Variants in GNG2 observed in about 807,000 individuals in gnomAD.
GNG2 encodes the protein guanine nucleotide-binding protein G(I)/G(S)/G(O) subunit gamma-2.
Under a neutral mutation model 5.5 loss-of-function variants are expected in GNG2, and 5 were observed. The observed-to-expected ratio is 0.91, with a 90% confidence interval of 0.48 to 1.92. The LOEUF (loss-of-function observed/expected upper bound fraction) is 1.92, where lower values mean the gene tolerates loss of function less well. Among genes scored for constraint, GNG2 ranks in the 30% most tolerant of loss-of-function variants. The pLI, the probability that GNG2 is intolerant of heterozygous loss-of-function variation, is 0.01. For missense variants in GNG2, 55 were observed against 88.4 expected, an observed-to-expected ratio of 0.62 and a Z score of 1.52; for synonymous variants, 28 against 32.0, an observed-to-expected ratio of 0.88 and a Z score of 0.42.
At chr14:51,890,236 A>C (rs1341993078) in intron 2 of GNG2, among the ~76,000 whole-genome samples, 2 of 152,208 alleles carry the variant, frequency 1.3e-5, no homozygotes, top group African/African-American at 2.4e-5. Context: ...AATCAGGACC[A>C]ACATTGTAAT....
At chr14:51,938,694 G>C (rs1230396260) in intron 2 of GNG2, among the ~76,000 whole-genome samples, 2 of 152,180 alleles carry the variant, frequency 1.3e-5, no homozygotes, top group Non-Finnish European at 2.9e-5. Flanking sequence ...ATGGCAAACA[G>C]TGAATTTCAC....
intron 2 of GNG2, among the ~76,000 whole-genome samples, chr14:51,849,207 A>C (rs1881793800): frequency 6.6e-6 from 1 of 151,966 alleles, no homozygotes; most frequent in Non-Finnish European, 1.5e-5. Context: ...TTGACAGGAG[A>C]CCTAAGATCC....
intron 3 of GNG2, 39 bp from the exon 4 acceptor site, chr14:51,966,520 C>T: frequency 1.3e-6 from 2 of 1,598,136 alleles, no homozygotes; most frequent in Non-Finnish European, 1.7e-6. Context: ...ACTGACTGTA[C>T]CAGACTCCAG....
intron 2 of GNG2, among the ~76,000 whole-genome samples, chr14:51,885,841 T>A (rs1025207576): frequency 6.6e-6 from 1 of 152,202 alleles, no homozygotes; most frequent in South Asian, 2.1e-4. Context: ...TGGGCTCAGA[T>A]AGGATCAAGA....
intron 3 of GNG2, among the ~76,000 whole-genome samples, chr14:51,958,715 G>A (rs1889424249): frequency 6.6e-6 from 1 of 152,012 alleles, no homozygotes; most frequent in Admixed American, 6.6e-5. Flanking sequence ...CTCCTTACCA[G>A]GTTGGACCCT....
intron 2 of GNG2, among the ~76,000 whole-genome samples, chr14:51,854,858 C>T (rs898142758): frequency 3.3e-5 from 5 of 152,140 alleles, no homozygotes; most frequent in Non-Finnish European, 5.9e-5. Flanking sequence ...CTATGCCTCC[C>T]TCCCGTCTTT....
chr14:51,940,378 G>A (rs116450945), intron 2 of GNG2: 1,595 of 152,412 alleles, frequency 0.01, 35 homozygotes, highest in African/African-American at 0.037. Context: ...GCAAACTTGG[G>A]GGGGCTCAAG....
At chr14:51,914,176 A>C (rs1263284319) in intron 2 of GNG2, 1 of 701,590 alleles carries the variant, frequency 1.4e-6, no homozygotes, top group East Asian at 2.7e-5. Flanking sequence ...GCTCTTGAGT[A>C]TGTCTGCCAC....
chr14:51,866,239 G>A (rs890356905), intron 1 of GNG2, among the ~76,000 whole-genome samples: 1 of 152,208 alleles, frequency 6.6e-6, no homozygotes, highest in Non-Finnish European at 1.5e-5. Flanking sequence ...GAGGAGAGGG[G>A]CTGAAAACTG....
intron 2 of GNG2, among the ~76,000 whole-genome samples, chr14:51,901,808 T>C (rs1389446654): frequency 6.6e-6 from 1 of 152,040 alleles, no homozygotes; most frequent in Non-Finnish European, 1.5e-5. Flanking sequence ...AGCATCCAGG[T>C]ATATAATAAC....
At chr14:51,833,981 G>GT (rs1881267443) in intron 2 of GNG2, among the ~76,000 whole-genome samples, 1 of 152,078 alleles carries the variant, frequency 6.6e-6, no homozygotes, top group Non-Finnish European at 1.5e-5. Flanking sequence ...GCATCAGACT[G>GT]CCTTGAGACA....
rs551926332 is a variant in GNG2 at position 51,921,038 on chromosome 14, A to T, written c.-29-29612A>T. Among the ~76,000 whole-genome samples the T allele has an allele frequency of 2.0e-5, 3 of 152,352 alleles. No homozygotes were observed. The East Asian group carries it at 5.8e-4, about 29-fold the overall frequency. ...CATTGAATCTCATTCTTTCTCCTAT[A>T]AAATTAGAGAATTAAGATGAGGTCA... On this transcript the variant is annotated intron_variant, in intron 2 of 3. Coordinates refer to ENST00000556766, the MANE Select transcript of GNG2 (RefSeq NM_053064.5).
At chr14:51,839,918 G>A (rs1424890002) in intron 2 of GNG2, among the ~76,000 whole-genome samples, 1 of 152,164 alleles carries the variant, frequency 6.6e-6, no homozygotes, top group East Asian at 1.9e-4. Flanking sequence ...TACAACTCTA[G>A]GGGTAGATCT....
At chr14:51,867,834 T>A (rs34867128) in intron 1 of GNG2, among the ~76,000 whole-genome samples, 15,367 of 152,230 alleles carry the variant, frequency 0.1, 1,387 homozygotes, top group African/African-American at 0.24. Flanking sequence ...AATGCTCCTC[T>A]GAAATCTTTT....
intron 2 of GNG2, among the ~76,000 whole-genome samples, chr14:51,897,449 A>G (rs2078590194): frequency 6.6e-6 from 1 of 152,216 alleles, no homozygotes; most frequent in Admixed American, 6.5e-5. Flanking sequence ...CCTGTGACGT[A>G]AAAAGGATAA....
chr14:51,947,765 A>T (rs1211833858), intron 2 of GNG2, among the ~76,000 whole-genome samples: 1 of 152,236 alleles, frequency 6.6e-6, no homozygotes, highest in Non-Finnish European at 1.5e-5. Flanking sequence ...AGCCACTCAC[A>T]GCTTTTCCCA....
intron 2 of GNG2, among the ~76,000 whole-genome samples, chr14:51,883,160 G>C (rs1884217484): frequency 6.6e-6 from 1 of 152,130 alleles, no homozygotes; most frequent in Non-Finnish European, 1.5e-5. Flanking sequence ...TTACCTGACG[G>C]GGATTTGTTT....
At chr14:51,850,114 G>A (rs1881837819) in intron 2 of GNG2, among the ~76,000 whole-genome samples, 1 of 152,190 alleles carries the variant, frequency 6.6e-6, no homozygotes, top group Non-Finnish European at 1.5e-5. Flanking sequence ...GTTTCTGGGA[G>A]TTTTGAAAGC....
Position 51,926,681 on chromosome 14 carries a change from C to A in GNG2, c.-29-23969C>A, listed in dbSNP as rs1248178168. 5.3e-5 allele frequency among the ~76,000 whole-genome samples: 8 copies of A among 152,152 alleles called. No homozygotes were observed. In the South Asian group the frequency reaches 1.7e-3, roughly 32 times the overall value. ...CAGAGGGGAGGAGCCTGGCCTCTTC[C>A]TTTTCCGGTGTGGAACCTGGGATTC... On this transcript the variant is annotated intron_variant, in intron 2 of 3. Transcript: ENST00000556766.
Sources: allele counts gnomAD v4.1 joint callset (sites outside exome capture counted in the v4.1 genomes callset), GRCh38; gene constraint gnomAD v4.1.1; transcripts MANE v1.5; gene names NCBI Gene and HGNC (gene_info 2026-07-23, HGNC 2026-07-21).